C12orf42: variants seen among roughly 807,000 people sequenced by gnomAD.
C12orf42 encodes the protein uncharacterized protein C12orf42.
C12orf42 carries 25 observed loss-of-function variants against 21.6 expected under a neutral mutation model. The ratio of observed to expected loss-of-function variants is 1.16; its 90% CI spans 0.84 to 1.62. C12orf42 has a LOEUF of 1.62. Ranked by LOEUF, C12orf42 falls within the 40% of genes most tolerant of loss-of-function variation. The probability of loss-of-function intolerance (pLI) is 0.00; values close to 1 mark genes in which losing one functional copy is unlikely to be tolerated. For missense variants in C12orf42, 483 were observed against 459.3 expected, an observed-to-expected ratio of 1.05 and a Z score of -0.47; for synonymous variants, 174 against 175.0, an observed-to-expected ratio of 0.99 and a Z score of 0.05.
At chr12:103,297,296 T>G (rs1363100179), downstream of C12orf42, among the ~76,000 whole-genome samples, 1 of 152,204 alleles carries the variant, frequency 6.6e-6, no homozygotes, top group Non-Finnish European at 1.5e-5. Flanking sequence ...GGTAGCATGA[T>G]GCCTTCAGCT....
At chr12:103,210,639 C>CTTTTTTTTTTTTTTTTT in the C12orf42 span, among the ~76,000 whole-genome samples, 22 of 77,658 alleles carry the variant, frequency 2.8e-4, no homozygotes, top group Non-Finnish European at 4.4e-4. Flanking sequence ...CCCTCTATTT[C>CTTTTTTTTTTTTTTTTT]TTTTTTTTTT....
chr12:103,363,682 C>G (rs1301215249), intron 4 of C12orf42, among the ~76,000 whole-genome samples: 2 of 151,974 alleles, frequency 1.3e-5, no homozygotes, highest in African/African-American at 4.8e-5. Context: ...CAAAAGCAAA[C>G]AGAAATAGCT....
chr12:103,466,336 T>C (rs1953126448), intron 2 of C12orf42, among the ~76,000 whole-genome samples: 1 of 152,124 alleles, frequency 6.6e-6, no homozygotes, highest in Non-Finnish European at 1.5e-5. Context: ...TAATTCAATA[T>C]TTCCCAAAAC....
the C12orf42 span, among the ~76,000 whole-genome samples, chr12:103,151,342 G>C: frequency 2.2e-5 from 3 of 135,760 alleles, no homozygotes; most frequent in Admixed American, 2.1e-4. Flanking sequence ...CTCTTTCAGA[G>C]TATATATATA....
chr12:103,426,009 A>G (rs891737280), intron 2 of C12orf42, among the ~76,000 whole-genome samples: 1 of 152,206 alleles, frequency 6.6e-6, no homozygotes. Context: ...ATGAGGAAAA[A>G]CCAGCCCCAA....
At chr12:103,473,819 C>T (rs1953815357) in intron 2 of C12orf42, among the ~76,000 whole-genome samples, 1 of 152,124 alleles carries the variant, frequency 6.6e-6, no homozygotes, top group Non-Finnish European at 1.5e-5. Context: ...TATCTTTCCC[C>T]ATGCCTCAAC....
the C12orf42 span, among the ~76,000 whole-genome samples, chr12:103,149,101 GA>G: frequency 1.3e-5 from 2 of 152,166 alleles, no homozygotes; most frequent in Non-Finnish European, 2.9e-5. Flanking sequence ...CTTGTCTTCA[GA>G]AATCTATTTT....
At chr12:103,060,530 C>T in the C12orf42 span, among the ~76,000 whole-genome samples, 1 of 152,094 alleles carries the variant, frequency 6.6e-6, no homozygotes, top group Non-Finnish European at 1.5e-5. Context: ...GAATCCTAAG[C>T]AAAAAGAACA....
chr12:103,095,973 G>A, the C12orf42 span, among the ~76,000 whole-genome samples: 1 of 152,160 alleles, frequency 6.6e-6, no homozygotes, highest in Non-Finnish European at 1.5e-5. Context: ...TGGGGTTGAG[G>A]TGGGGTGCTG....
At chr12:103,514,381 C>T in the C12orf42 span, among the ~76,000 whole-genome samples, 1 of 152,152 alleles carries the variant, frequency 6.6e-6, no homozygotes, top group Non-Finnish European at 1.5e-5. Context: ...CTGGAAGAAA[C>T]TGCAAGATGG....
At chr12:103,142,003 T>TA in the C12orf42 span, among the ~76,000 whole-genome samples, 3 of 152,114 alleles carry the variant, frequency 2.0e-5, no homozygotes, top group African/African-American at 4.8e-5. Flanking sequence ...GAACACAAAT[T>TA]AAAAAAACAT....
intron 3 of C12orf42, among the ~76,000 whole-genome samples, chr12:103,384,967 C>T (rs919516616): frequency 6.6e-6 from 1 of 152,166 alleles, no homozygotes; most frequent in Non-Finnish European, 1.5e-5. Flanking sequence ...TCAGTCTTCT[C>T]ATCTGGGAAG....
chr12:103,149,410 A>C, the C12orf42 span, among the ~76,000 whole-genome samples: 10 of 152,180 alleles, frequency 6.6e-5, no homozygotes, highest in Non-Finnish European at 1.3e-4. Context: ...TCTGATAAAC[A>C]ATGATTTTTT....
chr12:103,502,883 G>A, the C12orf42 span, among the ~76,000 whole-genome samples: 4 of 152,186 alleles, frequency 2.6e-5, no homozygotes, highest in African/African-American at 4.8e-5. Flanking sequence ...GGTTCACGGC[G>A]AGTGTTTTGT....
the C12orf42 span, among the ~76,000 whole-genome samples, chr12:103,514,214 G>A: frequency 4.6e-5 from 7 of 152,260 alleles, no homozygotes; most frequent in South Asian, 2.1e-4. Context: ...GGGGGAAACC[G>A]CCCTTATGAT....
Position 103,353,289 on chromosome 12 carries a change from TA to T in C12orf42, c.259+15597del, listed in dbSNP as rs534030710. On this transcript the variant is annotated intron_variant, in intron 4 of 5. Coordinates refer to ENST00000548883, the MANE Select transcript of C12orf42 (RefSeq NM_198521.5). ...TTGTTCTCATGGAGTTCCACTGGAT[TA>T]AAAAAAAAAAGAGGGGGTGGGGGGC... Among the ~76,000 whole-genome samples, 1,024 of 126,982 alleles carry T rather than the reference TA, an allele frequency of 8.1e-3. 14 individuals carry two copies. The highest frequency in any genetic ancestry group is 0.025 in the African/African-American group (859 of 34,382). 83.3% of individuals were successfully genotyped at this position (126,982 alleles called of 152,430 possible).
At chr12:103,408,432 T>G (rs573896148) in intron 2 of C12orf42, among the ~76,000 whole-genome samples, 2 of 152,254 alleles carry the variant, frequency 1.3e-5, no homozygotes, top group African/African-American at 4.8e-5. Context: ...GTAGTCAACT[T>G]TAAATTCAAA....
intron 2 of C12orf42, among the ~76,000 whole-genome samples, chr12:103,430,978 G>A (rs757917314): frequency 6.6e-6 from 1 of 152,168 alleles, no homozygotes; most frequent in Non-Finnish European, 1.5e-5. Context: ...TAGGGAGATA[G>A]GGAAGGGATA....
At chr12:103,560,133 G>A in the C12orf42 span, among the ~76,000 whole-genome samples, 1 of 152,166 alleles carries the variant, frequency 6.6e-6, no homozygotes, top group African/African-American at 2.4e-5. Flanking sequence ...CAAACTCTAT[G>A]AGTTAAATAT....
Sources: gnomAD v4.1 joint callset for allele counts (sites outside exome capture counted in the v4.1 genomes callset) on GRCh38, gnomAD v4.1.1 for gene constraint, MANE v1.5 for transcripts, NCBI Gene and HGNC (gene_info 2026-07-23, HGNC 2026-07-21) for gene names.